The following TANC1 variants were observed in gnomAD, a reference collection of about 807,000 sequenced individuals.
TANC1 encodes the protein tetratricopeptide repeat, ankyrin repeat and coiled-coil containing 1.
Under a neutral mutation model 149.7 loss-of-function variants are expected in TANC1, and 77 were observed. The ratio of observed to expected loss-of-function variants is 0.51; its 90% confidence interval spans 0.43 to 0.62. The LOEUF is 0.62. Among genes scored for constraint, TANC1 ranks in the 20% least tolerant of loss-of-function variants. TANC1 has a pLI of 0.00. For missense variants in TANC1, 1,985 were observed against 2,321.8 expected (o/e 0.85, Z 2.98); for synonymous variants, 854 against 925.0 (o/e 0.92, Z 1.39).
At position 158,973,337 on chromosome 2, in the gene TANC1, AT is replaced by A. The variant is rs1314111935; in HGVS notation, c.-126+4557del. Among the ~76,000 whole-genome samples the A allele has an allele frequency of 2.6e-5, 4 of 152,288 alleles. No homozygotes were observed. In the East Asian group the frequency reaches 7.7e-4, roughly 29 times the overall value. On this transcript the variant is annotated intron_variant, in intron 1 of 26. Transcript: ENST00000263635. ...ACGTGCCAGTCATGAACAGTGGCTT[AT>A]TACCTCTTTGGGTAGGAGATGGGGG...
intron 19 of TANC1, among the ~76,000 whole-genome samples, chr2:159,209,244 C>T (rs886898524): frequency 1.3e-5 from 2 of 152,158 alleles, no homozygotes; most frequent in African/African-American, 2.4e-5. Context: ...CTGGAAGAGC[C>T]ATCTTGATTA....
At chr2:159,072,756 TAAAGTA>T (rs941819099) in intron 3 of TANC1, among the ~76,000 whole-genome samples, 7 of 151,536 alleles carry the variant, frequency 4.6e-5, no homozygotes, top group African/African-American at 1.5e-4. Context: ...CCCTAAAACT[TAAAGTA>T]TAATAATTAA....
chr2:159,053,305 G>A (rs1360593583), intron 2 of TANC1, among the ~76,000 whole-genome samples: 1 of 151,740 alleles, frequency 6.6e-6, no homozygotes, highest in Non-Finnish European at 1.5e-5. Context: ...AAAAAATAAA[G>A]CTATTGTCCT....
chr2:159,090,475 C>T (rs1040187744), intron 3 of TANC1, among the ~76,000 whole-genome samples: 4 of 152,166 alleles, frequency 2.6e-5, no homozygotes. Context: ...GCCATTTTCC[C>T]AACCAGTTAA....
In TANC1 at chr2:159,066,006, C is replaced by G. The variant is rs1225915540; in HGVS notation, c.61+35C>G. 3 of 1,541,370 alleles carry G rather than the reference C, an allele frequency of 1.9e-6. No individual in the cohort carries two copies. In the African/African-American group the frequency reaches 4.1e-5, roughly 21 times the overall value. ...CAAGAATGAGAAGCTCAGCCATGGA[C>G]AGCGGGCAGCAAGCTGCTCCTCACC... On this transcript the variant is annotated intron_variant, in intron 3 of 26. Transcript: ENST00000263635.
At chr2:158,995,611 T>C (rs1178886919) in intron 1 of TANC1, among the ~76,000 whole-genome samples, 6 of 152,174 alleles carry the variant, frequency 3.9e-5, no homozygotes, top group Non-Finnish European at 7.3e-5. Flanking sequence ...AATGGGATAA[T>C]GAGAAACCTT....
chr2:159,027,696 GCTAT>G (rs2039460527), intron 2 of TANC1, among the ~76,000 whole-genome samples: 1 of 152,068 alleles, frequency 6.6e-6, no homozygotes, highest in Non-Finnish European at 1.5e-5. Flanking sequence ...CACATTTTCA[GCTAT>G]CTGTTATAGC....
chr2:159,182,589 G>T (rs1418860345), intron 14 of TANC1, among the ~76,000 whole-genome samples: 1 of 152,116 alleles, frequency 6.6e-6, no homozygotes. Flanking sequence ...CAGCTGGGTA[G>T]TTCATCCTGT....
intron 14 of TANC1, among the ~76,000 whole-genome samples, chr2:159,180,212 A>G (rs983770032): frequency 7.2e-5 from 11 of 152,118 alleles, no homozygotes; most frequent in African/African-American, 2.7e-4. Flanking sequence ...TATCTTTTGA[A>G]CCTGGTTTGG....
At chr2:159,128,064 G>C (rs1031499414) in intron 4 of TANC1, among the ~76,000 whole-genome samples, 1 of 152,176 alleles carries the variant, frequency 6.6e-6, no homozygotes, top group Non-Finnish European at 1.5e-5. Flanking sequence ...GGTGACTTTT[G>C]TGTTTTCTTC....
chr2:159,142,768 GAA>G (rs773510804), intron 5 of TANC1, among the ~76,000 whole-genome samples: 2 of 133,372 alleles, frequency 1.5e-5, no homozygotes, highest in Non-Finnish European at 1.6e-5. Context: ...CACTTCAATA[GAA>G]AAAAAAAAAA....
intron 11 of TANC1, among the ~76,000 whole-genome samples, chr2:159,174,327 A>G (rs2055605445): frequency 6.6e-6 from 1 of 151,976 alleles, no homozygotes; most frequent in Admixed American, 6.6e-5. Context: ...TCTCAACTCC[A>G]ACTTATCTCT....
At chr2:158,986,082 C>T (rs1295108133) in intron 1 of TANC1, among the ~76,000 whole-genome samples, 2 of 152,216 alleles carry the variant, frequency 1.3e-5, no homozygotes, top group Non-Finnish European at 2.9e-5. Context: ...GGTTTGGTGA[C>T]GTGGAACTTT....
chr2:159,146,700 C>G (rs1260603267), intron 5 of TANC1, among the ~76,000 whole-genome samples: 2 of 152,018 alleles, frequency 1.3e-5, no homozygotes, highest in East Asian at 3.9e-4. Context: ...GCCACTACGC[C>G]CAGCTAATTT....
At chr2:159,186,721 T>C in intron 15 of TANC1, 181 bp from the exon 16 acceptor site, 2 of 664,280 alleles carry the variant, frequency 3.0e-6, no homozygotes, top group South Asian at 2.0e-5. Context: ...TCCTTGACCC[T>C]TGGTTTCAGG....
chr2:159,091,127 A>G (rs2045492838), intron 3 of TANC1, among the ~76,000 whole-genome samples: 2 of 152,068 alleles, frequency 1.3e-5, no homozygotes, highest in Non-Finnish European at 2.9e-5. Flanking sequence ...GCAAAATGAC[A>G]TAATGTTGAA....
intron 2 of TANC1, among the ~76,000 whole-genome samples, chr2:159,059,946 TG>T (rs1443509387): frequency 1.9e-4 from 26 of 137,762 alleles, no homozygotes; most frequent in East Asian, 9.3e-4. Context: ...TTGTTGTTGT[TG>T]TTTTTTTTTT....
chr2:159,136,941 A>G (rs2050826776), intron 5 of TANC1, among the ~76,000 whole-genome samples: 1 of 152,230 alleles, frequency 6.6e-6, no homozygotes, highest in African/African-American at 2.4e-5. Flanking sequence ...AATCAATTCA[A>G]GAATTTTCCT....
intron 7 of TANC1, among the ~76,000 whole-genome samples, chr2:159,155,942 C>T (rs2053387267): frequency 1.3e-5 from 2 of 152,186 alleles, no homozygotes; most frequent in South Asian, 2.1e-4. Context: ...TGACTCTCTC[C>T]TACCTCCTGC....
Sources: gnomAD v4.1 joint callset for allele counts (sites outside exome capture counted in the v4.1 genomes callset) on GRCh38, gnomAD v4.1.1 for gene constraint, MANE v1.5 for transcripts, NCBI Gene and HGNC (gene_info 2026-07-23, HGNC 2026-07-21) for gene names.